Variants in LMX1B observed in about 807,000 individuals in gnomAD.
LMX1B encodes the protein LIM homeobox transcription factor 1 beta, also known as LIM homeobox transcription factor 1-beta.
LMX1B carries 12 observed loss-of-function variants against 51.4 expected under a neutral mutation model. That is an observed-to-expected ratio of 0.23 (90% CI 0.15 to 0.38). LMX1B has a LOEUF of 0.38. Among genes scored for constraint, LMX1B ranks in the 10% least tolerant of loss-of-function variants. The pLI is 1.00. For missense variants in LMX1B, 445 were observed against 571.1 expected (o/e 0.78, Z 2.25); for synonymous variants, 237 against 235.4 (o/e 1.01, Z -0.06).
At chr9:126,672,404 G>T (rs1051497579) in intron 2 of LMX1B, among the ~76,000 whole-genome samples, 6 of 152,234 alleles carry the variant, frequency 3.9e-5, no homozygotes, top group Non-Finnish European at 7.3e-5. Context: ...TGTCCTTGGC[G>T]GGACCTGTGC....
At chr9:126,667,765 T>G (rs1836371140) in intron 2 of LMX1B, among the ~76,000 whole-genome samples, 1 of 152,130 alleles carries the variant, frequency 6.6e-6, no homozygotes, top group Non-Finnish European at 1.5e-5. Context: ...TCAGAGAGTT[T>G]CCAGAAGAAA....
intron 2 of LMX1B, among the ~76,000 whole-genome samples, chr9:126,683,317 GGCC>G (rs988984347): frequency 1.3e-5 from 2 of 151,684 alleles, no homozygotes; most frequent in African/African-American, 4.8e-5. Context: ...CCCGGCCCGC[GGCC>G]GCCGCATCAA....
chr9:126,637,930 T>G (rs1403570621), intron 2 of LMX1B, among the ~76,000 whole-genome samples: 1 of 148,984 alleles, frequency 6.7e-6, no homozygotes, highest in Non-Finnish European at 1.5e-5. Flanking sequence ...GCCAAAGGGA[T>G]GGACACCCAG....
At chr9:126,672,011 C>T (rs566754286) in intron 2 of LMX1B, among the ~76,000 whole-genome samples, 45 of 152,352 alleles carry the variant, frequency 3.0e-4, no homozygotes, top group South Asian at 2.1e-3. Flanking sequence ...GTGATGGGAC[C>T]TGCCTGGGGC....
intron 2 of LMX1B, among the ~76,000 whole-genome samples, chr9:126,617,224 C>T (rs1440222522): frequency 6.6e-6 from 1 of 151,906 alleles, no homozygotes; most frequent in Non-Finnish European, 1.5e-5. Flanking sequence ...CAGCCTCTAG[C>T]CCCCTCCCCA....
At chr9:126,616,803 C>T (rs1835310954) in intron 2 of LMX1B, among the ~76,000 whole-genome samples, 1 of 152,214 alleles carries the variant, frequency 6.6e-6, no homozygotes, top group African/African-American at 2.4e-5. Flanking sequence ...GGAAACAGTG[C>T]AGGCCAGAGC....
chr9:126,629,208 G>A (rs1268002438), intron 2 of LMX1B, among the ~76,000 whole-genome samples: 1 of 152,108 alleles, frequency 6.6e-6, no homozygotes, highest in Non-Finnish European at 1.5e-5. Flanking sequence ...GGTACTTGGG[G>A]CACCTCTCAG....
At chr9:126,661,153 A>G (rs1836234867) in intron 2 of LMX1B, among the ~76,000 whole-genome samples, 1 of 152,198 alleles carries the variant, frequency 6.6e-6, no homozygotes, top group Non-Finnish European at 1.5e-5. Flanking sequence ...CTCTGAGGCC[A>G]GTGTGGATGC....
rs1461978294 is a variant in LMX1B at position 126,671,607 on chromosome 9, C to G, written c.327-19229C>G. Among the ~76,000 whole-genome samples, 1 of 152,226 alleles carries G rather than the reference C, an allele frequency of 6.6e-6. No homozygotes were observed. Among genetic ancestry groups the G allele is most frequent in the South Asian group, 2.1e-4 (1 of 4,828 alleles). ...CCCCAGACGGGGCACTGCTCCAGGC[C>G]GGCTCTGGCTCTCTAATCCTGTATC... On this transcript the variant is annotated intron_variant, in intron 2 of 7. Coordinates refer to ENST00000373474, the MANE Select transcript of LMX1B (RefSeq NM_001174147.2). This position sits in a 1 kb window ranked among gnomAD's most constrained non-coding sequence, Gnocchi z 4.4.
intron 2 of LMX1B, among the ~76,000 whole-genome samples, chr9:126,688,712 G>C (rs2029999856): frequency 6.6e-6 from 1 of 152,216 alleles, no homozygotes; most frequent in African/African-American, 2.4e-5. Context: ...GGCCAAATTA[G>C]AGCCAAAATC....
At chr9:126,680,045 G>A (rs897168268) in intron 2 of LMX1B, among the ~76,000 whole-genome samples, 53 of 152,340 alleles carry the variant, frequency 3.5e-4, no homozygotes, top group African/African-American at 1.1e-3. Context: ...GCAGGGCCCC[G>A]GAGAGAAATC....
At chr9:126,616,901 GCT>G (rs764872211) in intron 2 of LMX1B, among the ~76,000 whole-genome samples, 6 of 152,250 alleles carry the variant, frequency 3.9e-5, no homozygotes, top group Non-Finnish European at 5.9e-5. Flanking sequence ...TTTGCACCTA[GCT>G]CTTTCTTCCG....
intron 2 of LMX1B, among the ~76,000 whole-genome samples, chr9:126,648,680 A>G (rs537493611): frequency 6.6e-6 from 1 of 152,298 alleles, no homozygotes; most frequent in South Asian, 2.1e-4. Context: ...GGACAGGTAC[A>G]TGAGTGATGA....
rs2030275956 is a variant in LMX1B at position 126,695,068 on chromosome 9, G to A, written c.887-771G>A. On this transcript the variant is annotated intron_variant, in intron 6 of 7. Coordinates refer to ENST00000373474, the MANE Select transcript of LMX1B (RefSeq NM_001174147.2). The surrounding 1 kb of genome is among the most constrained non-coding windows in gnomAD (Gnocchi z 5.2). ...CTGATCCACTGAGGTGCCAAGTTGG[G>A]GAGTGAAGTCTTCTCATGTCTCTCG... 6.6e-6 allele frequency among the ~76,000 whole-genome samples: 1 copy of A among 152,056 alleles called. No homozygotes were observed.
At chr9:126,636,917 G>A (rs1053659585) in intron 2 of LMX1B, among the ~76,000 whole-genome samples, 13 of 152,320 alleles carry the variant, frequency 8.5e-5, no homozygotes, top group African/African-American at 3.1e-4. Context: ...ATGTGCACAT[G>A]ACAAGTGGTG....
intron 2 of LMX1B, among the ~76,000 whole-genome samples, chr9:126,668,071 G>C (rs1203916275): frequency 2.0e-5 from 3 of 152,172 alleles, no homozygotes; most frequent in East Asian, 3.9e-4. Context: ...GGGGCAGGTT[G>C]AGGGACTGAA....
In LMX1B at chr9:126,677,154, C is replaced by G. The variant is rs1836578807; in HGVS notation, c.327-13682C>G. ...TCGCCTGCCCTTTGCCCGTCCCCAG[C>G]CAGAGCGCAGGAGACCCAGGGATGT... On this transcript the variant is annotated intron_variant, in intron 2 of 7. Transcript: ENST00000373474. The surrounding 1 kb of genome is among the most constrained non-coding windows in gnomAD (Gnocchi z 5.0). 2.0e-5 allele frequency among the ~76,000 whole-genome samples: 3 copies of G among 152,292 alleles called. No individual in the cohort carries two copies. In the South Asian group the frequency reaches 6.2e-4, roughly 32 times the overall value.
intron 2 of LMX1B, among the ~76,000 whole-genome samples, chr9:126,638,136 A>C (rs573092588): frequency 1.2e-4 from 19 of 152,004 alleles, no homozygotes; most frequent in Non-Finnish European, 2.5e-4. Context: ...GGCAGGGGGC[A>C]GGTTCCCGAA....
chr9:126,669,892 GCAGGA>G (rs1483497579), intron 2 of LMX1B, among the ~76,000 whole-genome samples: 2 of 152,180 alleles, frequency 1.3e-5, no homozygotes, highest in African/African-American at 4.8e-5. Context: ...AGGCCATGAG[GCAGGA>G]CAGGAACCAC....
Sources: allele counts gnomAD v4.1 joint callset (sites outside exome capture counted in the v4.1 genomes callset), GRCh38; gene constraint gnomAD v4.1.1; non-coding constraint Gnocchi (gnomAD v3.1); transcripts MANE v1.5; gene names NCBI Gene and HGNC (gene_info 2026-07-23, HGNC 2026-07-21).